PRKN: variants seen among roughly 807,000 people sequenced by gnomAD.
PRKN encodes E3 ubiquitin-protein ligase parkin.
PRKN carries 56 observed loss-of-function variants against 59.5 expected under a neutral mutation model. The ratio of observed to expected loss-of-function variants is 0.94; its 90% CI spans 0.76 to 1.18. The LOEUF (loss-of-function observed/expected upper bound fraction) is 1.18. PRKN is among the 50% of genes most tolerant of loss of function. PRKN has a pLI of 0.00. For synonymous variants in PRKN, 250 were observed against 222.1 expected (o/e 1.13, Z -1.12); for missense variants, 657 against 596.4 (o/e 1.10, Z -1.06).
At chr6:162,645,462 G>A (rs961087049) in intron 1 of PRKN, among the ~76,000 whole-genome samples, 1 of 152,064 alleles carries the variant, frequency 6.6e-6, no homozygotes, top group Non-Finnish European at 1.5e-5. Flanking sequence ...CAATAAAAGA[G>A]GTCAATTGCA....
At chr6:162,687,365 T>C (rs1278708560) in intron 1 of PRKN, among the ~76,000 whole-genome samples, 1 of 151,998 alleles carries the variant, frequency 6.6e-6, no homozygotes, top group Non-Finnish European at 1.5e-5. Flanking sequence ...TTTGTATTTT[T>C]AGTGGAGACG....
intron 5 of PRKN, among the ~76,000 whole-genome samples, chr6:162,046,811 G>A (rs568342614): frequency 8.6e-5 from 13 of 151,534 alleles, no homozygotes; most frequent in East Asian, 1.9e-4. Flanking sequence ...AAACTAATGC[G>A]TTTTCATATA....
intron 8 of PRKN, among the ~76,000 whole-genome samples, chr6:161,558,159 C>T (rs543721824): frequency 7.2e-5 from 11 of 152,268 alleles, no homozygotes; most frequent in African/African-American, 2.6e-4. Context: ...CTTTTGCTGA[C>T]ATCCACACAG....
intron 11 of PRKN, among the ~76,000 whole-genome samples, chr6:161,358,928 G>A (rs1784871468): frequency 6.6e-6 from 1 of 150,852 alleles, no homozygotes; most frequent in South Asian, 2.1e-4. Flanking sequence ...CAGAGTAGCT[G>A]GGACTACAGG....
intron 1 of PRKN, among the ~76,000 whole-genome samples, chr6:162,679,569 G>T (rs1237471090): frequency 2.0e-5 from 3 of 152,074 alleles, no homozygotes; most frequent in Non-Finnish European, 4.4e-5. Context: ...TAAGTCTATT[G>T]TTTGAAAAAG....
intron 1 of PRKN, among the ~76,000 whole-genome samples, chr6:162,545,480 C>T (rs1209922918): frequency 6.6e-6 from 1 of 152,080 alleles, no homozygotes; most frequent in African/African-American, 2.4e-5. Flanking sequence ...AAGTAAGTTG[C>T]TTGCCAGAGC....
chr6:161,655,881 C>CAT (rs1784329552), intron 7 of PRKN, among the ~76,000 whole-genome samples: 1 of 49,822 alleles, frequency 2.0e-5, no homozygotes. Context: ...CACACACACA[C>CAT]ACATACACAC....
intron 2 of PRKN, among the ~76,000 whole-genome samples, chr6:162,405,219 C>T (rs959872348): frequency 5.3e-5 from 8 of 152,136 alleles, no homozygotes; most frequent in Non-Finnish European, 1.0e-4. Context: ...TCTAAACATC[C>T]TAAATCTCTA....
intron 3 of PRKN, among the ~76,000 whole-genome samples, chr6:162,230,074 C>T (rs1192324556): frequency 6.6e-6 from 1 of 152,136 alleles, no homozygotes; most frequent in East Asian, 1.9e-4. Flanking sequence ...GGGTACCAGA[C>T]AATTCTTATA....
At chr6:161,727,849 G>A (rs1277890963) in intron 7 of PRKN, among the ~76,000 whole-genome samples, 1 of 152,098 alleles carries the variant, frequency 6.6e-6, no homozygotes, top group Non-Finnish European at 1.5e-5. Flanking sequence ...CTTATTTATT[G>A]CCGTGTATTC....
chr6:161,709,365 CAG>C lies in PRKN; in HGVS notation c.871+76405_871+76406del, dbSNP rs1211099219. On this transcript the variant is annotated intron_variant, in intron 7 of 11. Transcript: ENST00000366898. ...TATTTCTACTCTAACATGAATTTAT[CAG>C]ACTCAATTAATTTTATATGATTGTG... Among the ~76,000 whole-genome samples, 147 of 152,236 alleles carry C rather than the reference CAG, an allele frequency of 9.7e-4. 1 individual carries two copies. The highest frequency in any genetic ancestry group is 1.2e-4 in the Non-Finnish European group (8 of 68,010).
At chr6:161,486,507 A>G (rs1791652752) in intron 9 of PRKN, among the ~76,000 whole-genome samples, 1 of 152,166 alleles carries the variant, frequency 6.6e-6, no homozygotes, top group Non-Finnish European at 1.5e-5. Flanking sequence ...GTGAGTTAAC[A>G]GAGGCTCGGA....
chr6:162,510,461 C>G (rs150420903), intron 1 of PRKN, among the ~76,000 whole-genome samples: 88 of 152,268 alleles, frequency 5.8e-4, no homozygotes, highest in Admixed American at 1.1e-3. Flanking sequence ...GCATGCAGCC[C>G]TTGTTTAGTG....
rs1304128613 is a variant in PRKN at position 161,413,510 on chromosome 6, G to A, written c.1084-26633C>T. ...AAGTGGGCATGCTGCAGTGAGAACT[G>A]GGGGAGAAGGCCGGAACCTGGCGGG... On this transcript the variant is annotated intron_variant, in intron 9 of 11. Coordinates refer to ENST00000366898, the MANE Select transcript of PRKN (RefSeq NM_004562.3). This position sits in a 1 kb window ranked among gnomAD's most constrained non-coding sequence, Gnocchi z 4.4. 6.6e-6 allele frequency among the ~76,000 whole-genome samples: 1 copy of A among 152,194 alleles called. No individual in the cohort carries two copies. The highest frequency in any genetic ancestry group is 1.5e-5 in the Non-Finnish European group (1 of 68,020).
At chr6:162,576,756 T>C (rs900590844) in intron 1 of PRKN, among the ~76,000 whole-genome samples, 1 of 133,598 alleles carries the variant, frequency 7.5e-6, no homozygotes, top group African/African-American at 2.9e-5. Flanking sequence ...GAGGTTGCAG[T>C]GAGACAAGAT....
chr6:162,082,903 T>A (rs1779113741), intron 4 of PRKN, among the ~76,000 whole-genome samples: 1 of 152,086 alleles, frequency 6.6e-6, no homozygotes, highest in Admixed American at 6.6e-5. Context: ...ATTCTAAAAC[T>A]ATTATAATTG....
At chr6:161,999,926 AC>A (rs1201263013) in intron 5 of PRKN, among the ~76,000 whole-genome samples, 1 of 152,166 alleles carries the variant, frequency 6.6e-6, no homozygotes, top group Non-Finnish European at 1.5e-5. Flanking sequence ...TCAAAGAAAT[AC>A]TAATAGTAAC....
chr6:161,382,065 T>C (rs930636052), intron 10 of PRKN, among the ~76,000 whole-genome samples: 2 of 126,884 alleles, frequency 1.6e-5, no homozygotes, highest in African/African-American at 6.3e-5. Context: ...TGAGCCAAGA[T>C]AGCGCCATTG....
Position 161,848,168 on chromosome 6 carries a change from G to A in PRKN, c.735-62260C>T, listed in dbSNP as rs151257930. The stretch of plus-strand genomic sequence containing the variant: ...AAGTCAAGATATAACAGCATATTTC[G>A]CCTTATTTCTTTCTTTTCCTCTTTA... On this transcript the variant is annotated intron_variant, in intron 6 of 11. Coordinates refer to ENST00000366898, the MANE Select transcript of PRKN (RefSeq NM_004562.3). Among the ~76,000 whole-genome samples the A allele has an allele frequency of 3.2e-3, 480 of 152,144 alleles. 3 individuals carry two copies. The highest frequency in any genetic ancestry group is 0.011 in the African/African-American group (448 of 41,532).
Sources: gnomAD v4.1 joint callset for allele counts (sites outside exome capture counted in the v4.1 genomes callset) on GRCh38, gnomAD v4.1.1 for gene constraint, Gnocchi (gnomAD v3.1) non-coding constraint, MANE v1.5 for transcripts, NCBI Gene and HGNC (gene_info 2026-07-23, HGNC 2026-07-21) for gene names.